The following PLEKHG1 variants were observed in gnomAD, a reference collection of about 807,000 sequenced individuals.
PLEKHG1 encodes the protein pleckstrin homology domain-containing family G member 1.
PLEKHG1 carries 44 observed loss-of-function variants against 100.8 expected under a neutral mutation model. The observed-to-expected ratio is 0.44, with a 90% CI of 0.34 to 0.56. The LOEUF is 0.56. Among genes scored for constraint, PLEKHG1 ranks in the 20% least tolerant of loss-of-function variants. PLEKHG1 has a pLI of 0.01. For synonymous variants in PLEKHG1, 640 were observed against 662.5 expected, an observed-to-expected ratio of 0.97 and a Z score of 0.52; for missense variants, 1,545 against 1,720.9, an observed-to-expected ratio of 0.90 and a Z score of 1.81.
chr6:150,604,036 C>T (rs912994206), intron 1 of PLEKHG1, among the ~76,000 whole-genome samples: 7 of 152,094 alleles, frequency 4.6e-5, no homozygotes, highest in Non-Finnish European at 1.0e-4. Flanking sequence ...CTCTTAGCAC[C>T]AGCACTAGGA....
intron 7 of PLEKHG1, among the ~76,000 whole-genome samples, chr6:150,807,745 G>T (rs927641480): frequency 2.0e-5 from 3 of 152,164 alleles, no homozygotes; most frequent in Non-Finnish European, 4.4e-5. Context: ...AGGCCAAGTG[G>T]ATCACCCGAG....
intron 3 of PLEKHG1, among the ~76,000 whole-genome samples, chr6:150,690,340 T>C (rs1056422881): frequency 4.6e-5 from 7 of 151,972 alleles, no homozygotes; most frequent in African/African-American, 1.7e-4. Context: ...CACCACATCT[T>C]GGCCCCACCA....
At chr6:150,703,609 A>AAAC (rs1393176237) in intron 3 of PLEKHG1, among the ~76,000 whole-genome samples, 2 of 149,198 alleles carry the variant, frequency 1.3e-5, no homozygotes, top group African/African-American at 5.1e-5. Flanking sequence ...TTAAAAAAAA[A>AAAC]AAAAACAAAA....
chr6:150,748,806 A>G (rs1376265098), intron 2 of PLEKHG1, among the ~76,000 whole-genome samples: 3 of 151,630 alleles, frequency 2.0e-5, no homozygotes, highest in African/African-American at 4.8e-5. Context: ...TTGTATTTTT[A>G]GTAGAGACAG....
At chr6:150,610,391 T>C (rs1776773960) in intron 1 of PLEKHG1, among the ~76,000 whole-genome samples, 1 of 152,210 alleles carries the variant, frequency 6.6e-6, no homozygotes, top group South Asian at 2.1e-4. Context: ...TGTGAGCCAC[T>C]GCATCTGACC....
intron 1 of PLEKHG1, among the ~76,000 whole-genome samples, chr6:150,613,259 T>G (rs1430076271): frequency 6.6e-6 from 1 of 152,192 alleles, no homozygotes; most frequent in Non-Finnish European, 1.5e-5. Flanking sequence ...ATCAAAGAAG[T>G]CCTACTGACC....
intron 2 of PLEKHG1, among the ~76,000 whole-genome samples, chr6:150,750,713 G>A (rs1421369725): frequency 1.4e-5 from 2 of 139,560 alleles, no homozygotes; most frequent in East Asian, 4.1e-4. Context: ...CCCGGGAGGC[G>A]GAGCTTGCAG....
chr6:150,729,909 A>G (rs1583016918), intron 1 of PLEKHG1, among the ~76,000 whole-genome samples: 1 of 152,102 alleles, frequency 6.6e-6, no homozygotes, highest in East Asian at 1.9e-4. Flanking sequence ...ACTCTTTCCC[A>G]CCTTTGAAAG....
intron 2 of PLEKHG1, among the ~76,000 whole-genome samples, chr6:150,763,517 T>C (rs746269554): frequency 3.9e-5 from 6 of 152,128 alleles, no homozygotes; most frequent in Non-Finnish European, 7.4e-5. Flanking sequence ...CTGTCTCCTG[T>C]CACCACAAAC....
chr6:150,668,943 A>T (rs777795535), intron 3 of PLEKHG1, among the ~76,000 whole-genome samples: 1 of 152,228 alleles, frequency 6.6e-6, no homozygotes, highest in Non-Finnish European at 1.5e-5. Flanking sequence ...ATGTAGCTCA[A>T]GTATCTGGCC....
At chr6:150,705,750 T>C (rs9478787) in intron 3 of PLEKHG1, among the ~76,000 whole-genome samples, 18,184 of 152,262 alleles carry the variant, frequency 0.12, 1,187 homozygotes, top group South Asian at 0.17. Context: ...AGGGAAGATA[T>C]CACGTATCAG....
At chr6:150,780,104 G>C (rs1467680136) in intron 3 of PLEKHG1, among the ~76,000 whole-genome samples, 2 of 149,938 alleles carry the variant, frequency 1.3e-5, no homozygotes, top group Non-Finnish European at 3.0e-5. Flanking sequence ...GCCCAGAAAT[G>C]TTTCTCTCTG....
At position 150,699,721 on chromosome 6, in the gene PLEKHG1, G is replaced by A. The variant is rs146773015; in HGVS notation, c.-98-33863G>A. On this transcript the variant is annotated intron_variant, in intron 3 of 3. Coordinates refer to the PLEKHG1 transcript ENST00000367326. ...AATTAAGCCATTTTAAACACAGCAAGTTTAAACAATAATTCGGTGGTGTCT... is the reference window on the plus strand; with the variant it reads ...AATTAAGCCATTTTAAACACAGCAAATTTAAACAATAATTCGGTGGTGTCT... 4.7e-3 allele frequency among the ~76,000 whole-genome samples: 722 copies of A among 152,290 alleles called. 17 individuals carry two copies. Among genetic ancestry groups the A allele is most frequent in the Admixed American group, 0.024 (360 of 15,286 alleles).
chr6:150,823,593 CT>C (rs1313090143), intron 13 of PLEKHG1, 60 bp from the exon 15 acceptor site: 5 of 1,108,474 alleles, frequency 4.5e-6, no homozygotes, highest in Non-Finnish European at 6.8e-6. Flanking sequence ...AATATTAGTG[CT>C]TACTTATATA....
intron 11 of PLEKHG1, 80 bp from the exon 13 acceptor site, chr6:150,819,599 T>G: frequency 1.5e-6 from 1 of 689,404 alleles, no homozygotes; most frequent in Non-Finnish European, 2.6e-6. Flanking sequence ...TAAATCCATA[T>G]AAATCTACAC....
Position 150,819,785 on chromosome 6 carries a change from T to C in PLEKHG1, c.1408+11T>C. 2.0e-6 allele frequency: 3 copies of C among 1,493,156 alleles called. No homozygotes were observed. The highest frequency in any genetic ancestry group is 2.8e-6 in the Non-Finnish European group (3 of 1,070,566). 92.5% of individuals were successfully genotyped at this position (1,493,156 alleles called of 1,614,324 possible). Reference sequence around the variant, plus strand: ...TGAGAAGAAAATCTGGTAAGTAAGATGTTGTCATAAAAATTTAATTCTAAT... The same window carrying C: ...TGAGAAGAAAATCTGGTAAGTAAGACGTTGTCATAAAAATTTAATTCTAAT... On this transcript the variant is annotated intron_variant, in intron 12 of 15. Coordinates refer to ENST00000358517, the Ensembl canonical transcript of PLEKHG1.
chr6:150,611,470 A>G (rs1562381452), intron 1 of PLEKHG1, among the ~76,000 whole-genome samples: 2 of 152,220 alleles, frequency 1.3e-5, no homozygotes, highest in African/African-American at 2.4e-5. Flanking sequence ...CTTCCTATTA[A>G]AAAGGGATGG....
intron 3 of PLEKHG1, chr6:150,664,628 G>A (rs1194611059): frequency 1.3e-5 from 2 of 152,344 alleles, no homozygotes; most frequent in Non-Finnish European, 2.9e-5. Flanking sequence ...TGGCACTGTG[G>A]TGGGGGTGTC....
At chr6:150,816,011 T>C (rs1204009800) in intron 10 of PLEKHG1, among the ~76,000 whole-genome samples, 2 of 152,154 alleles carry the variant, frequency 1.3e-5, no homozygotes, top group Non-Finnish European at 2.9e-5. Context: ...TTTCTATTAC[T>C]ACATGGTAAT....
Sources: allele counts gnomAD v4.1 joint callset (sites outside exome capture counted in the v4.1 genomes callset), GRCh38; gene constraint gnomAD v4.1.1; transcripts MANE v1.5; gene names NCBI Gene and HGNC (gene_info 2026-07-23, HGNC 2026-07-21).